The following SOX5 variants were observed in gnomAD, a reference collection of about 807,000 sequenced individuals.
SOX5 encodes transcription factor SOX-5.
In SOX5, 9 loss-of-function variants were observed where a neutral mutation model predicts 92.0. That is an observed-to-expected ratio of 0.10 (90% CI 0.06 to 0.17). The LOEUF is 0.17. Among genes scored for constraint, SOX5 ranks in the 10% least tolerant of loss-of-function variants. The probability of loss-of-function intolerance (pLI) is 1.00; values close to 1 mark genes in which losing one functional copy is unlikely to be tolerated. For missense variants in SOX5, 642 were observed against 944.5 expected, an observed-to-expected ratio of 0.68 and a Z score of 4.20; for synonymous variants, 344 against 336.3, an observed-to-expected ratio of 1.02 and a Z score of -0.25.
intron 1 of SOX5, among the ~76,000 whole-genome samples, chr12:24,496,545 A>C (rs1181271523): frequency 1.3e-5 from 2 of 152,188 alleles, no homozygotes; most frequent in Non-Finnish European, 2.9e-5. Context: ...TAACTTATGT[A>C]ATGTTACTGG....
At chr12:24,417,511 TA>T (rs1355300065) in intron 1 of SOX5, among the ~76,000 whole-genome samples, 1 of 152,144 alleles carries the variant, frequency 6.6e-6, no homozygotes, top group African/African-American at 2.4e-5. Flanking sequence ...GTCTCTACCT[TA>T]AAAAAGATCA....
chr12:23,554,572 A>G (rs1378270284), intron 11 of SOX5, among the ~76,000 whole-genome samples: 84 of 152,178 alleles, frequency 5.5e-4, no homozygotes. Flanking sequence ...TTTTAAACAA[A>G]GAATACTGTT....
At chr12:23,944,544 CA>C (rs1944228499) in intron 1 of SOX5, among the ~76,000 whole-genome samples, 1 of 152,078 alleles carries the variant, frequency 6.6e-6, no homozygotes, top group South Asian at 2.1e-4. Context: ...TCTCCTAAAC[CA>C]CTATCAGTTC....
rs190071892 is a variant in SOX5 at position 24,556,864 on chromosome 12, A to G, written c.-251+5465T>C. Among the ~76,000 whole-genome samples, 481 of 151,000 alleles carry G rather than the reference A, an allele frequency of 3.2e-3. 4 individuals carry two copies. The highest frequency in any genetic ancestry group is 0.011 in the African/African-American group (459 of 41,044). ...AAAGTGTTGATCTCAGCCTCAAGAA[A>G]GTGATACATTTTTTCTTTTTAGACT... On this transcript the variant is annotated intron_variant, in intron 1 of 4. Coordinates refer to the SOX5 transcript ENST00000446891.
chr12:24,155,526 A>G (rs1952077905), intron 4 of SOX5, among the ~76,000 whole-genome samples: 1 of 152,172 alleles, frequency 6.6e-6, no homozygotes, highest in Non-Finnish European at 1.5e-5. Context: ...TCAGAAGTAC[A>G]GAAAGCAAAA....
rs1179980990 is a variant in SOX5 at position 24,005,786 on chromosome 12, T to G, written c.-1-109762A>C. Among the ~76,000 whole-genome samples the G allele has an allele frequency of 2.0e-5, 3 of 152,138 alleles. No individual in the cohort carries two copies. The East Asian group carries it at 5.8e-4, about 29-fold the overall frequency. On this transcript the variant is annotated intron_variant, in intron 4 of 4. Coordinates refer to the SOX5 transcript ENST00000446891. ...AGCTGTCACCATGCATGACAGAACT[T>G]GAAACTATATTTTAAAAACCTTTTT...
intron 4 of SOX5, among the ~76,000 whole-genome samples, chr12:24,128,859 A>G (rs1054770449): frequency 2.6e-5 from 4 of 152,108 alleles, no homozygotes; most frequent in Non-Finnish European, 5.9e-5. Flanking sequence ...TTGGGAAGAG[A>G]GAGTAGGCAA....
At chr12:23,914,367 A>C (rs994737364) in intron 1 of SOX5, among the ~76,000 whole-genome samples, 2 of 152,188 alleles carry the variant, frequency 1.3e-5, no homozygotes, top group African/African-American at 4.8e-5. Context: ...AGTTGGAATT[A>C]ATTTATGGCC....
At chr12:24,238,676 G>T (rs368463008) in intron 3 of SOX5, among the ~76,000 whole-genome samples, 17 of 152,150 alleles carry the variant, frequency 1.1e-4, no homozygotes, top group African/African-American at 4.1e-4. Flanking sequence ...TCTTACTGCC[G>T]TTAGTTGACT....
intron 1 of SOX5, among the ~76,000 whole-genome samples, chr12:24,395,248 T>TAAA (rs200651353): frequency 2.1e-5 from 3 of 146,104 alleles, no homozygotes; most frequent in African/African-American, 5.0e-5. Flanking sequence ...ACAGATCTAT[T>TAAA]AAAAAAAAAA....
chr12:24,079,282 C>G (rs1413209894), intron 4 of SOX5, among the ~76,000 whole-genome samples: 1 of 151,588 alleles, frequency 6.6e-6, no homozygotes, highest in Non-Finnish European at 1.5e-5. Context: ...ATGACTTGCC[C>G]AAGATAAGAT....
intron 4 of SOX5, among the ~76,000 whole-genome samples, chr12:23,994,556 AC>A (rs1405908548): frequency 6.6e-6 from 1 of 152,100 alleles, no homozygotes; most frequent in East Asian, 1.9e-4. Flanking sequence ...GGATTATATA[AC>A]CAATACTATT....
At chr12:24,511,957 C>CAAAAAAAAA (rs11408941) in intron 1 of SOX5, among the ~76,000 whole-genome samples, 1 of 131,290 alleles carries the variant, frequency 7.6e-6, no homozygotes. Context: ...GACTCCATCT[C>CAAAAAAAAA]AAAAAAAAAA....
intron 1 of SOX5, among the ~76,000 whole-genome samples, chr12:24,464,746 C>A (rs1944040892): frequency 6.6e-6 from 1 of 152,232 alleles, no homozygotes; most frequent in African/African-American, 2.4e-5. Context: ...AGTAGCCCCA[C>A]TTTCCAGATG....
intron 4 of SOX5, among the ~76,000 whole-genome samples, chr12:24,128,098 ATCTTTTGTTTCGG>A (rs1565490793): frequency 6.6e-6 from 1 of 152,166 alleles, no homozygotes; most frequent in Non-Finnish European, 1.5e-5. Context: ...GTTTATTGTT[ATCTTTTGTTTCGG>A]TCTCACCTTA....
chr12:23,970,737 T>C (rs1315067476), intron 4 of SOX5, among the ~76,000 whole-genome samples: 1 of 147,206 alleles, frequency 6.8e-6, no homozygotes, highest in African/African-American at 2.5e-5. Flanking sequence ...TGAACCGTGC[T>C]GCAATGAACA....
At chr12:23,808,045 C>G (rs982736805) in intron 3 of SOX5, among the ~76,000 whole-genome samples, 4 of 151,998 alleles carry the variant, frequency 2.6e-5, no homozygotes, top group African/African-American at 9.7e-5. Flanking sequence ...TCAAATATCT[C>G]AATAGTTACC....
At chr12:23,829,131 C>A (rs1027521942) in intron 3 of SOX5, among the ~76,000 whole-genome samples, 1 of 151,916 alleles carries the variant, frequency 6.6e-6, no homozygotes, top group African/African-American at 2.4e-5. Context: ...AAAAAAAGAC[C>A]AAGCATCCAC....
At chr12:24,278,076 G>A (rs916572820) in intron 2 of SOX5, among the ~76,000 whole-genome samples, 1 of 152,090 alleles carries the variant, frequency 6.6e-6, no homozygotes, top group Non-Finnish European at 1.5e-5. Flanking sequence ...ACCTGTACAC[G>A]GTAGGAGCCA....
Sources: allele counts gnomAD v4.1 joint callset (sites outside exome capture counted in the v4.1 genomes callset), GRCh38; gene constraint gnomAD v4.1.1; transcripts MANE v1.5; gene names NCBI Gene and HGNC (gene_info 2026-07-23, HGNC 2026-07-21).